SHROOM3: variants seen among roughly 807,000 people sequenced by gnomAD.
SHROOM3 encodes protein Shroom3.
Under a neutral mutation model 138.6 loss-of-function variants are expected in SHROOM3, and 47 were observed. The ratio of observed to expected loss-of-function variants is 0.34; its 90% CI spans 0.27 to 0.43. SHROOM3 has a LOEUF of 0.43. Ranked by LOEUF, SHROOM3 falls within the 20% of genes least tolerant of loss-of-function variation. SHROOM3 has a pLI of 1.00. For missense variants in SHROOM3, 2,491 were observed against 2,596.5 expected (o/e 0.96, Z 0.88); for synonymous variants, 1,062 against 1,063.3 (o/e 1.00, Z 0.02).
chr4:76,520,342 TTGA>T (rs374472749), intron 1 of SHROOM3, among the ~76,000 whole-genome samples: 1 of 152,142 alleles, frequency 6.6e-6, no homozygotes, highest in Non-Finnish European at 1.5e-5. Context: ...TCACCAACTG[TTGA>T]TGATGATGAT....
chr4:76,465,997 T>A (rs1579172503), intron 1 of SHROOM3, among the ~76,000 whole-genome samples: 1 of 152,224 alleles, frequency 6.6e-6, no homozygotes, highest in African/African-American at 2.4e-5. Context: ...ATTCCCAGGA[T>A]TGAGGACAAT....
At chr4:76,753,796 C>G (rs1721710435) in intron 6 of SHROOM3, among the ~76,000 whole-genome samples, 1 of 152,110 alleles carries the variant, frequency 6.6e-6, no homozygotes. Context: ...AATGAAAACA[C>G]TAGGAGAGTA....
intron 2 of SHROOM3, among the ~76,000 whole-genome samples, chr4:76,614,209 C>A (rs1039640628): frequency 2.0e-5 from 3 of 152,120 alleles, no homozygotes; most frequent in Non-Finnish European, 4.4e-5. Context: ...CGCCTGCCAC[C>A]ATGCCCGGCT....
intron 1 of SHROOM3, among the ~76,000 whole-genome samples, chr4:76,466,763 C>A (rs562333221): frequency 2.0e-4 from 31 of 152,092 alleles, no homozygotes; most frequent in East Asian, 1.2e-3. Context: ...ACGACAAAAA[C>A]CAAATCCTAA....
chr4:76,552,037 A>ATT (rs113901271), intron 1 of SHROOM3, among the ~76,000 whole-genome samples: 1 of 144,180 alleles, frequency 6.9e-6, no homozygotes. Flanking sequence ...AATTTTTTGT[A>ATT]TCTTTAGTAG....
chr4:76,631,449 G>T (rs959512841), intron 2 of SHROOM3, among the ~76,000 whole-genome samples: 1 of 151,898 alleles, frequency 6.6e-6, no homozygotes, highest in African/African-American at 2.4e-5. Flanking sequence ...CCAACCTCAG[G>T]TGATCCACCC....
intron 2 of SHROOM3, among the ~76,000 whole-genome samples, chr4:76,680,645 T>A (rs1577970292): frequency 1.3e-5 from 2 of 152,230 alleles, no homozygotes; most frequent in East Asian, 3.8e-4. Context: ...GCAGGGACTA[T>A]CCTAAGTGCT....
rs1231106018 is a variant in SHROOM3, at chr4:76,501,977, C to T, written c.169-53632C>T. On this transcript the variant is annotated intron_variant, in intron 1 of 10. Transcript: ENST00000296043. ...CCAAGCTCATATTAAAGCTTAATCC[C>T]CAATGTGGCAGTATTGAGAAGTGGG... Among the ~76,000 whole-genome samples the T allele has an allele frequency of 2.0e-5, 3 of 152,276 alleles. No individual in the cohort carries two copies. In the East Asian group the frequency reaches 5.8e-4, roughly 29 times the overall value.
intron 1 of SHROOM3, among the ~76,000 whole-genome samples, chr4:76,541,808 C>G (rs1733107087): frequency 6.6e-6 from 1 of 152,116 alleles, no homozygotes; most frequent in Non-Finnish European, 1.5e-5. Flanking sequence ...AGAGTTCAAA[C>G]ACCAGGAACA....
chr4:76,539,530 G>C (rs1327673961), intron 1 of SHROOM3, among the ~76,000 whole-genome samples: 1 of 152,164 alleles, frequency 6.6e-6, no homozygotes, highest in Non-Finnish European at 1.5e-5. Flanking sequence ...GAGAATATAA[G>C]ATACTGAAAG....
intron 2 of SHROOM3, among the ~76,000 whole-genome samples, chr4:76,557,022 C>G (rs1219132847): frequency 6.6e-6 from 1 of 152,176 alleles, no homozygotes; most frequent in Non-Finnish European, 1.5e-5. Flanking sequence ...CGGATTCAGA[C>G]AGACCCGGGT....
At chr4:76,492,169 C>T (rs1216347344) in intron 1 of SHROOM3, among the ~76,000 whole-genome samples, 4 of 152,176 alleles carry the variant, frequency 2.6e-5, no homozygotes, top group East Asian at 3.8e-4. Flanking sequence ...ACAAACTGGG[C>T]GAAAGAAGTA....
At chr4:76,777,112 T>C (rs1362755115) in intron 10 of SHROOM3, among the ~76,000 whole-genome samples, 1 of 152,160 alleles carries the variant, frequency 6.6e-6, no homozygotes, top group Non-Finnish European at 1.5e-5. Flanking sequence ...ATTTTAGGAT[T>C]GTTTTTTCTA....
At chr4:76,745,192 A>AAAGTT (rs1414577380) in intron 5 of SHROOM3, among the ~76,000 whole-genome samples, 1 of 152,254 alleles carries the variant, frequency 6.6e-6, no homozygotes, top group Non-Finnish European at 1.5e-5. Flanking sequence ...AGACCTTGGA[A>AAAGTT]AAGTTAACCT....
At chr4:76,524,277 A>G (rs1732632708) in intron 1 of SHROOM3, among the ~76,000 whole-genome samples, 2 of 152,152 alleles carry the variant, frequency 1.3e-5, no homozygotes, top group East Asian at 1.9e-4. Flanking sequence ...CCAGAACACA[A>G]TGGGAAAGAG....
At chr4:76,487,694 C>T (rs1240630980) in intron 1 of SHROOM3, among the ~76,000 whole-genome samples, 1 of 152,116 alleles carries the variant, frequency 6.6e-6, no homozygotes, top group Non-Finnish European at 1.5e-5. Flanking sequence ...GTCATACTTA[C>T]ATTGAATTCA....
chr4:76,484,291 G>A (rs28688544), intron 1 of SHROOM3, among the ~76,000 whole-genome samples: 2,123 of 152,102 alleles, frequency 0.014, 52 homozygotes, highest in African/African-American at 0.049. Context: ...ATAGGTCTGG[G>A]CCAGGTGTAG....
chr4:76,474,937 A>T (rs1023841422), intron 1 of SHROOM3, among the ~76,000 whole-genome samples: 2 of 151,972 alleles, frequency 1.3e-5, no homozygotes, highest in Non-Finnish European at 2.9e-5. Flanking sequence ...AAAAAAAAAA[A>T]AATTTTTTTT....
At chr4:76,773,241 G>A (rs1351264460) in intron 10 of SHROOM3, among the ~76,000 whole-genome samples, 1 of 151,944 alleles carries the variant, frequency 6.6e-6, no homozygotes, top group African/African-American at 2.4e-5. Flanking sequence ...CAGGTGTGTG[G>A]CGGGTGCCTG....
Sources: gnomAD v4.1 joint callset for allele counts (sites outside exome capture counted in the v4.1 genomes callset) on GRCh38, gnomAD v4.1.1 for gene constraint, MANE v1.5 for transcripts, NCBI Gene and HGNC (gene_info 2026-07-23, HGNC 2026-07-21) for gene names.